NDST1: variants seen among roughly 807,000 people sequenced by gnomAD.
NDST1 encodes N-deacetylase and N-sulfotransferase 1, also known as bifunctional heparan sulfate N-deacetylase/N-sulfotransferase 1.
A neutral mutation model predicts 92.8 loss-of-function variants in NDST1; 35 were observed. The observed-to-expected ratio is 0.38, with a 90% CI of 0.29 to 0.50. The LOEUF is 0.50. NDST1 is among the 20% of genes least tolerant of loss of function. The probability of loss-of-function intolerance (pLI) is 0.94; values close to 1 mark genes in which losing one functional copy is unlikely to be tolerated. For missense variants in NDST1, 822 were observed against 1,182.7 expected (o/e 0.69, Z 4.47); for synonymous variants, 493 against 500.3 (o/e 0.99, Z 0.19).
At chr5:150,543,712 G>A (rs942309238) in intron 10 of NDST1, among the ~76,000 whole-genome samples, 40 of 152,164 alleles carry the variant, frequency 2.6e-4, no homozygotes, top group African/African-American at 9.2e-4. Context: ...CCTTGTCCAT[G>A]TATTACCATT....
At chr5:150,525,561 G>A (rs558065201) in intron 2 of NDST1, among the ~76,000 whole-genome samples, 80 of 152,346 alleles carry the variant, frequency 5.3e-4, no homozygotes, top group Non-Finnish European at 9.3e-4. Context: ...CTGGGCCTCA[G>A]CACCCCAGGC....
upstream of NDST1, among the ~76,000 whole-genome samples, chr5:150,504,800 G>T (rs1048444857): frequency 5.3e-5 from 8 of 152,206 alleles, no homozygotes; most frequent in Admixed American, 4.6e-4. Context: ...GAAATGCAGA[G>T]TACAACACCT....
At chr5:150,502,282 C>A (rs537371905) in intron 1 of NDST1, among the ~76,000 whole-genome samples, 52 of 152,158 alleles carry the variant, frequency 3.4e-4, no homozygotes, top group African/African-American at 1.2e-3. Context: ...GGCGGGGGAG[C>A]AACCAGGGGT....
intron 1 of NDST1, among the ~76,000 whole-genome samples, chr5:150,516,518 A>C (rs898288902): frequency 2.0e-5 from 3 of 152,220 alleles, no homozygotes; most frequent in African/African-American, 7.2e-5. Flanking sequence ...TAACTTGCCC[A>C]AGATTACATA....
Position 150,554,093 on chromosome 5 carries a change from G to A in NDST1, c.*761G>A. 1 of 401,842 alleles carries A rather than the reference G, an allele frequency of 2.5e-6. No individual in the cohort carries two copies. The highest frequency in any genetic ancestry group is 4.4e-6 in the Non-Finnish European group (1 of 227,964). The allele number at this position is 401,842 out of a possible 1,614,324, so 24.9% of individuals were successfully genotyped here. A position where few individuals can be genotyped will look rare whatever the true frequency, so the allele number is the denominator to read the frequency against. On this transcript the variant is annotated 3_prime_UTR_variant, in exon 15 of 15. Coordinates refer to ENST00000261797, the MANE Select transcript of NDST1 (RefSeq NM_001543.5). Reference sequence around the variant, plus strand: ...GGTAAAAGACTGAGGCAGGCCAGGGGTCTGCCAGTAACATGTTCCCATGTA... The same window carrying A: ...GGTAAAAGACTGAGGCAGGCCAGGGATCTGCCAGTAACATGTTCCCATGTA...
chr5:150,539,909 G>A lies in NDST1; in HGVS notation c.1567-173G>A, dbSNP rs75767574. On this transcript the variant is annotated intron_variant, in intron 7 of 14. Coordinates refer to ENST00000261797, the MANE Select transcript of NDST1 (RefSeq NM_001543.5). ...ATTTGGGGTCAGTCAGGCCTGGTTC[G>A]TCTGTCACCTCATCCAAGTACTCGC... The A allele has an allele frequency of 2.8e-4, 210 of 753,206 alleles. 7 individuals carry two copies. In the East Asian group the frequency reaches 0.021, roughly 76 times the overall value. 46.7% of individuals were successfully genotyped at this position (753,206 alleles called of 1,614,324 possible).
chr5:150,534,831 C>T, intron 4 of NDST1, 36 bp from the exon 5 acceptor site: 1 of 1,614,142 alleles, frequency 6.2e-7, no homozygotes, highest in Non-Finnish European at 8.5e-7. Flanking sequence ...GCCTCATGGC[C>T]CAGTGGGTGG....
chr5:150,525,063 G>A (rs941673750), intron 2 of NDST1, among the ~76,000 whole-genome samples: 2 of 152,194 alleles, frequency 1.3e-5, no homozygotes, highest in Non-Finnish European at 2.9e-5. Flanking sequence ...CTCCACCTCT[G>A]CGTTCCCGAA....
rs1289775519 is a variant in NDST1, at chr5:150,545,239, C to T, written c.1971-73C>T. 4 of 1,556,956 alleles carry T rather than the reference C, an allele frequency of 2.6e-6. No homozygotes were observed. The African/African-American group carries it at 5.4e-5, about 21-fold the overall frequency. On this transcript the variant is annotated intron_variant, in intron 10 of 14. Transcript: ENST00000261797. ...GAGGACATTCTACCCCAGTGCCTCG[C>T]CCTTGTGCTGCATTCCCTTAGCCCC...
Position 150,548,289 on chromosome 5 carries a change from C to G in NDST1, c.2217C>G (p.Asp739Glu). 1 of 1,614,158 alleles carries G rather than the reference C, an allele frequency of 6.2e-7. No individual in the cohort carries two copies. Among genetic ancestry groups the G allele is most frequent in the Non-Finnish European group, 8.5e-7 (1 of 1,180,030 alleles). The stretch of plus-strand genomic sequence containing the variant: ...ATGAGGTGATTACCGCCGGCTCTGA[C>G]GCATCCTCGAAGCTGCGTGCCCTCC... Reference protein sequence around the residue: ...TFHEVITAGSDASSKLRALQN... With the variant: ...TFHEVITAGSEASSKLRALQN... The change falls in exon 12 of 15, where the codon GAC becomes GAG. Residue 739 changes from aspartate (D) to glutamate (E), a missense_variant. By Grantham distance (45) the Asp-to-Glu change is conservative. Coordinates refer to ENST00000261797, the MANE Select transcript of NDST1 (RefSeq NM_001543.5).
chr5:150,506,243 C>T (rs973293797), upstream of NDST1, among the ~76,000 whole-genome samples: 2 of 152,198 alleles, frequency 1.3e-5, no homozygotes, highest in Non-Finnish European at 2.9e-5. Context: ...TCCCATATAA[C>T]TGACTATAGG....
chr5:150,543,323 G>A (rs957903535), intron 10 of NDST1, among the ~76,000 whole-genome samples: 12 of 152,222 alleles, frequency 7.9e-5, no homozygotes, highest in African/African-American at 2.9e-4. Context: ...TCCTCACTGC[G>A]TGTGGCTGAC....
At chr5:150,513,921 G>A (rs760478888) in intron 1 of NDST1, among the ~76,000 whole-genome samples, 51 of 152,260 alleles carry the variant, frequency 3.3e-4, no homozygotes, top group Non-Finnish European at 5.9e-4. Flanking sequence ...TTTCCCGAAA[G>A]TGCAGCGTTG....
In NDST1 at chr5:150,527,819, C is replaced by T. The variant is rs1754542279; in HGVS notation, c.529C>T (p.Leu177=). Residue 177 remains leucine, a synonymous_variant, in exon 3 of 15, where the codon CTG becomes TTG. Coordinates refer to ENST00000261797, the MANE Select transcript of NDST1 (RefSeq NM_001543.5). ...IGFFKANENS[L]LSAQLKGFPL... ...TTGACTGCAGGCCAATGAGAACAGC[C>T]TGCTGAGTGCGCAGCTCAAGGGCTT... is the stretch of plus-strand genomic sequence containing the variant. 3.7e-6 allele frequency: 6 copies of T among 1,614,052 alleles called. No individual in the cohort carries two copies. The Admixed American group carries it at 8.3e-5, about 22-fold the overall frequency.
rs754214473 is a variant in NDST1 at position 150,521,444 on chromosome 5, C to T, written c.190C>T (p.Pro64Ser). ...PDCGDPPPVA[P>S]SRLLPLKPVQ... ...CTGCGGGGACCCGCCGCCTGTGGCC[C>T]CCAGTCGCCTGCTGCCACTCAAGCC... Residue 64 changes from proline (P) to serine (S), a missense_variant, in exon 2 of 15, where the codon CCC becomes TCC. By Grantham distance (74) the Pro-to-Ser change is moderately conservative. Coordinates refer to ENST00000261797, the MANE Select transcript of NDST1 (RefSeq NM_001543.5). This position sits in a 1 kb window ranked among gnomAD's most constrained non-coding sequence, Gnocchi z 5.9. 25 of 1,613,380 alleles carry T rather than the reference C, an allele frequency of 1.5e-5. No individual in the cohort carries two copies. The highest frequency in any genetic ancestry group is 5.0e-5 in the Admixed American group (3 of 60,022).
intron 4 of NDST1, 108 bp downstream of exon 4, chr5:150,533,140 T>A: frequency 9.0e-7 from 1 of 1,110,746 alleles, no homozygotes; most frequent in Non-Finnish European, 1.4e-6. Flanking sequence ...CTGGCCCACA[T>A]TAGAGGCAGA....
At chr5:150,526,584 C>T (rs1010541297) in intron 2 of NDST1, among the ~76,000 whole-genome samples, 2 of 152,136 alleles carry the variant, frequency 1.3e-5, no homozygotes, top group African/African-American at 4.8e-5. Flanking sequence ...TAGCCCCTAA[C>T]CTTAAGGGGT....
rs988596768 is a variant in NDST1 at position 150,520,950 on chromosome 5, C to T, written c.-305C>T. On this transcript the variant is annotated 5_prime_UTR_variant, in exon 2 of 15. Transcript: ENST00000261797. ...GTGTCCTCTGGCCTGCTGCCCTGCA[C>T]CCCCAGAAGGCCCTGACGCCCTGGG... 8.0e-5 allele frequency: 44 copies of T among 549,246 alleles called. No homozygotes were observed. The South Asian group carries it at 1.1e-3, about 14-fold the overall frequency. The allele number at this position is 549,246 out of a possible 1,614,324, so 34.0% of individuals were successfully genotyped here.
intron 1 of NDST1, among the ~76,000 whole-genome samples, chr5:150,509,806 G>T (rs764503708): frequency 6.6e-6 from 1 of 152,232 alleles, no homozygotes; most frequent in African/African-American, 2.4e-5. Context: ...ACTGCCCCGA[G>T]CCGCCATCCC....
Sources: gnomAD v4.1 joint callset for allele counts (sites outside exome capture counted in the v4.1 genomes callset) on GRCh38, gnomAD v4.1.1 for gene constraint, Gnocchi (gnomAD v3.1) non-coding constraint, MANE v1.5 for transcripts, NCBI Gene and HGNC (gene_info 2026-07-23, HGNC 2026-07-21) for gene names.